MAPK10: variants seen among roughly 807,000 people sequenced by gnomAD.
The protein encoded by MAPK10 is mitogen-activated protein kinase 10.
In MAPK10, 25 loss-of-function variants were observed where a neutral mutation model predicts 59.3. That is an observed-to-expected ratio of 0.42 (90% CI 0.31 to 0.59). The LOEUF is 0.59. MAPK10 is among the 20% of genes least tolerant of loss of function. MAPK10 has a pLI of 0.15. For missense variants in MAPK10, 351 were observed against 568.9 expected, an observed-to-expected ratio of 0.62 and a Z score of 3.90; for synonymous variants, 190 against 200.5, an observed-to-expected ratio of 0.95 and a Z score of 0.44.
chr4:86,482,449 C>T (rs1753679304), intron 1 of MAPK10, among the ~76,000 whole-genome samples: 1 of 152,100 alleles, frequency 6.6e-6, no homozygotes, highest in Non-Finnish European at 1.5e-5. Context: ...TTTCATCTTG[C>T]TCTTTTTCTA....
intron 4 of MAPK10, among the ~76,000 whole-genome samples, chr4:86,108,460 TC>T (rs2056917675): frequency 6.6e-6 from 1 of 152,120 alleles, no homozygotes; most frequent in African/African-American, 2.4e-5. Flanking sequence ...CATTGAAGCC[TC>T]ATGCCACAGA....
chr4:86,050,142 T>C (rs2043244617), intron 11 of MAPK10, among the ~76,000 whole-genome samples: 1 of 152,112 alleles, frequency 6.6e-6, no homozygotes, highest in Non-Finnish European at 1.5e-5. Flanking sequence ...ACTTGGTAAC[T>C]CTTGCCCATC....
chr4:86,201,924 C>T (rs74797163), intron 2 of MAPK10, among the ~76,000 whole-genome samples: 12,844 of 151,690 alleles, frequency 0.085, 1,191 homozygotes, highest in African/African-American at 0.23. Context: ...AAGAAACTTA[C>T]AATAGTATAC....
At chr4:86,095,928 C>T (rs2054132698) in intron 9 of MAPK10, among the ~76,000 whole-genome samples, 1 of 151,708 alleles carries the variant, frequency 6.6e-6, no homozygotes, top group Admixed American at 6.6e-5. Flanking sequence ...TTTTTCTAAC[C>T]TATTTCATTG....
In MAPK10 at chr4:86,016,889, G is replaced by C. The variant is rs1743531458; in HGVS notation, c.*339C>G. On this transcript the variant is annotated 3_prime_UTR_variant, in exon 14 of 14. Coordinates refer to ENST00000641462, the MANE Select transcript of MAPK10 (RefSeq NM_138982.4). The stretch of plus-strand genomic sequence containing the variant: ...GCACACCTTGTCATGCCATTTAAAA[G>C]GGCAGTTACAGGTTGCCGGTTTTGC... 4.2e-6 allele frequency: 1 copy of C among 236,906 alleles called. No homozygotes were observed. The highest frequency in any genetic ancestry group is 8.4e-6 in the Non-Finnish European group (1 of 118,492). The allele number at this position is 236,906 out of a possible 1,614,324, so 14.7% of individuals were successfully genotyped here.
At chr4:86,471,453 C>T (rs547422952) in intron 1 of MAPK10, among the ~76,000 whole-genome samples, 1 of 152,148 alleles carries the variant, frequency 6.6e-6, no homozygotes, top group South Asian at 2.1e-4. Flanking sequence ...GGATGCTGAA[C>T]ACAAAGCCAT....
rs372876266 is a variant in MAPK10, at chr4:86,242,465, G to C, written c.-6-48058C>G. Among the ~76,000 whole-genome samples, 10 of 152,206 alleles carry C rather than the reference G, an allele frequency of 6.6e-5. No homozygotes were observed. In the East Asian group the frequency reaches 7.7e-4, roughly 12 times the overall value. On this transcript the variant is annotated intron_variant, in intron 2 of 13. Coordinates refer to ENST00000641462, the MANE Select transcript of MAPK10 (RefSeq NM_138982.4). ...ACTACCAGAAGGAGAGGCTAAGTCT[G>C]CTGCAGAGACTGCAGCCGCCCCTCC...
intron 1 of MAPK10, among the ~76,000 whole-genome samples, chr4:86,506,473 C>T (rs1169758908): frequency 6.6e-6 from 1 of 152,134 alleles, no homozygotes. Flanking sequence ...TTACACACTG[C>T]ATAAAAACAG....
intron 2 of MAPK10, among the ~76,000 whole-genome samples, chr4:86,346,210 C>T (rs1320134277): frequency 6.6e-6 from 1 of 152,146 alleles, no homozygotes; most frequent in Admixed American, 6.5e-5. Flanking sequence ...AAACATATGA[C>T]ATGATATAAA....
chr4:86,186,184 T>C (rs1554073815), intron 3 of MAPK10, among the ~76,000 whole-genome samples: 1 of 152,124 alleles, frequency 6.6e-6, no homozygotes, highest in Non-Finnish European at 1.5e-5. Context: ...TATTATTTCC[T>C]CCTTTTATAA....
chr4:86,084,524 C>T (rs535214175), intron 9 of MAPK10, among the ~76,000 whole-genome samples: 1 of 151,876 alleles, frequency 6.6e-6, no homozygotes, highest in South Asian at 2.1e-4. Context: ...AAATAAAATA[C>T]CTAAGAAGTA....
At chr4:86,044,499 A>T in intron 11 of MAPK10, 1 of 369,638 alleles carries the variant, frequency 2.7e-6, no homozygotes, top group Non-Finnish European at 4.8e-6. Flanking sequence ...GTTATGTTTC[A>T]TTTGTATAGA....
intron 1 of MAPK10, among the ~76,000 whole-genome samples, chr4:86,505,090 A>G (rs1188253923): frequency 6.6e-6 from 1 of 152,118 alleles, no homozygotes; most frequent in Admixed American, 6.6e-5. Context: ...CAACCATCAC[A>G]TAATTGTTTT....
intron 2 of MAPK10, among the ~76,000 whole-genome samples, chr4:86,345,732 C>A (rs1378580923): frequency 6.6e-6 from 1 of 152,136 alleles, no homozygotes; most frequent in Non-Finnish European, 1.5e-5. Context: ...ATATAAAAAT[C>A]TTGAACAAAA....
chr4:86,312,803 T>G (rs2095696356), intron 2 of MAPK10, among the ~76,000 whole-genome samples: 1 of 152,120 alleles, frequency 6.6e-6, no homozygotes, highest in Non-Finnish European at 1.5e-5. Context: ...AGTCTTACAC[T>G]TAAAAACTTA....
At chr4:86,451,452 T>C (rs1339995457) in intron 1 of MAPK10, among the ~76,000 whole-genome samples, 1 of 152,182 alleles carries the variant, frequency 6.6e-6, no homozygotes, top group Non-Finnish European at 1.5e-5. Flanking sequence ...TTATATGACA[T>C]ATTATATGCA....
At chr4:86,395,162 C>T (rs1210327353) in intron 1 of MAPK10, among the ~76,000 whole-genome samples, 1 of 152,142 alleles carries the variant, frequency 6.6e-6, no homozygotes, top group Non-Finnish European at 1.5e-5. Context: ...CATACAAAAG[C>T]AAAGGATGTT....
chr4:86,362,350 T>C (rs182576629), upstream of MAPK10, among the ~76,000 whole-genome samples: 5 of 152,002 alleles, frequency 3.3e-5, no homozygotes, highest in Admixed American at 2.0e-4. Flanking sequence ...TATAACTTTT[T>C]TTAAAGATGG....
At chr4:86,384,554 G>A (rs1741210144) in intron 1 of MAPK10, among the ~76,000 whole-genome samples, 1 of 152,180 alleles carries the variant, frequency 6.6e-6, no homozygotes. Flanking sequence ...GAAGGCATGT[G>A]CAGACTAGAG....
Sources: allele counts gnomAD v4.1 joint callset (sites outside exome capture counted in the v4.1 genomes callset), GRCh38; gene constraint gnomAD v4.1.1; transcripts MANE v1.5; gene names NCBI Gene and HGNC (gene_info 2026-07-23, HGNC 2026-07-21).